RIN2: variants seen among roughly 807,000 people sequenced by gnomAD.
The protein encoded by RIN2 is RAB5 interacting protein 2.
A neutral mutation model predicts 78.0 loss-of-function variants in RIN2; 36 were observed. That is an observed-to-expected ratio of 0.46 (90% CI 0.35 to 0.61). RIN2 has a LOEUF of 0.61. Among genes scored for constraint, RIN2 ranks in the 20% least tolerant of loss-of-function variants. The pLI, the probability that RIN2 is intolerant of heterozygous loss-of-function variation, is 0.00. For synonymous variants in RIN2, 466 were observed against 466.8 expected (o/e 1.00, Z 0.02); for missense variants, 1,087 against 1,159.7 (o/e 0.94, Z 0.91).
intron 1 of RIN2, among the ~76,000 whole-genome samples, chr20:19,780,390 C>T (rs541060636): frequency 6.6e-6 from 1 of 152,340 alleles, no homozygotes; most frequent in South Asian, 2.1e-4. Flanking sequence ...GTCCCATTCT[C>T]TGCTCAGATG....
chr20:19,929,781 G>A (rs935498834), intron 3 of RIN2, among the ~76,000 whole-genome samples: 1 of 152,200 alleles, frequency 6.6e-6, no homozygotes, highest in African/African-American at 2.4e-5. Context: ...GCAAGTGTAA[G>A]GGATGAGATT....
intron 1 of RIN2, among the ~76,000 whole-genome samples, chr20:19,786,833 TA>T (rs2034693280): frequency 6.6e-6 from 1 of 152,226 alleles, no homozygotes; most frequent in African/African-American, 2.4e-5. Context: ...TATTCCTCTC[TA>T]GATTTAGCTT....
chr20:19,826,189 G>GCA (rs2036084624), intron 2 of RIN2, among the ~76,000 whole-genome samples: 1 of 152,064 alleles, frequency 6.6e-6, no homozygotes, highest in African/African-American at 2.4e-5. Context: ...AAGGAGGTGA[G>GCA]TGACTATTTG....
intron 2 of RIN2, among the ~76,000 whole-genome samples, chr20:19,841,211 G>C (rs1331696243): frequency 6.6e-6 from 1 of 151,896 alleles, no homozygotes; most frequent in African/African-American, 2.4e-5. Flanking sequence ...GCCTCCCAAG[G>C]ACAGTAAAAT....
chr20:19,937,645 C>G (rs1231873912), intron 4 of RIN2, among the ~76,000 whole-genome samples: 1 of 152,088 alleles, frequency 6.6e-6, no homozygotes, highest in African/African-American at 2.4e-5. Flanking sequence ...TGGACTCCTT[C>G]TCTGAATAAT....
chr20:19,945,366 A>G (rs562174046), intron 4 of RIN2, among the ~76,000 whole-genome samples: 1 of 152,256 alleles, frequency 6.6e-6, no homozygotes, highest in African/African-American at 2.4e-5. Context: ...ATTCCGGATA[A>G]ATTGATGACT....
At chr20:19,919,609 C>T (rs556873651) in intron 3 of RIN2, among the ~76,000 whole-genome samples, 1 of 152,052 alleles carries the variant, frequency 6.6e-6, no homozygotes, top group South Asian at 2.1e-4. Flanking sequence ...AGTTCAAGAC[C>T]AGCCTGGCCA....
intron 11 of RIN2, among the ~76,000 whole-genome samples, 172 bp from the exon 12 acceptor site, chr20:19,996,507 A>G (rs2042971720): frequency 6.6e-6 from 1 of 152,086 alleles, no homozygotes; most frequent in African/African-American, 2.4e-5. Flanking sequence ...GAAGGGATGG[A>G]TGGAGGAGTG....
At chr20:19,839,290 C>G (rs531217001) in intron 2 of RIN2, among the ~76,000 whole-genome samples, 2 of 152,332 alleles carry the variant, frequency 1.3e-5, no homozygotes, top group African/African-American at 4.8e-5. Flanking sequence ...GATGGGACCT[C>G]CCTCCTCATG....
In RIN2 at chr20:20,001,530, AAAAT is replaced by A. The variant is rs1357607344; in HGVS notation, c.*599_*602del. On this transcript the variant is annotated 3_prime_UTR_variant, in exon 13 of 13. Transcript: ENST00000255006. ...ATGTGATTTTAACATTTAATATTCA[AAAAT>A]AAATCTCTTGCTGGATTTGAGAGTA... is the stretch of plus-strand genomic sequence containing the variant. 1.3e-5 allele frequency: 2 copies of A among 152,570 alleles called. No individual in the cohort carries two copies. The highest frequency in any genetic ancestry group is 2.4e-5 in the African/African-American group (1 of 41,446). 9.5% of individuals were successfully genotyped at this position (152,570 alleles called of 1,614,324 possible). A position where few individuals can be genotyped will look rare whatever the true frequency, so the allele number is the denominator to read the frequency against.
intron 3 of RIN2, among the ~76,000 whole-genome samples, chr20:19,923,092 G>T (rs2039994864): frequency 6.6e-6 from 1 of 152,138 alleles, no homozygotes; most frequent in Non-Finnish European, 1.5e-5. Context: ...TTCCAAGTAG[G>T]CATTTCAGTC....
intron 2 of RIN2, among the ~76,000 whole-genome samples, chr20:19,824,648 C>G (rs961999611): frequency 2.0e-5 from 3 of 152,150 alleles, no homozygotes; most frequent in African/African-American, 7.2e-5. Flanking sequence ...GTGACATGGA[C>G]TGTGTAACCA....
At chr20:19,801,533 G>T (rs2035242481) in intron 2 of RIN2, among the ~76,000 whole-genome samples, 1 of 152,230 alleles carries the variant, frequency 6.6e-6, no homozygotes, top group Non-Finnish European at 1.5e-5. Flanking sequence ...ATGTTAGCCA[G>T]CATGGTCTCA....
chr20:20,000,553 A>G, intron 12 of RIN2, 60 bp from the exon 13 acceptor site: 1 of 1,366,308 alleles, frequency 7.3e-7, no homozygotes, highest in Non-Finnish European at 1.0e-6. Context: ...CTGGTCCCCC[A>G]TCATGCTCAC....
At chr20:19,788,445 AAAAAC>A (rs1423002939) in intron 1 of RIN2, among the ~76,000 whole-genome samples, 1 of 150,416 alleles carries the variant, frequency 6.6e-6, no homozygotes, top group African/African-American at 2.5e-5. Context: ...AAAAAAAAAA[AAAAAC>A]AACTAGCTAG....
intron 2 of RIN2, among the ~76,000 whole-genome samples, chr20:19,850,370 A>G (rs1004830802): frequency 1.3e-5 from 2 of 152,142 alleles, no homozygotes; most frequent in Non-Finnish European, 2.9e-5. Flanking sequence ...TTTCCCTGAC[A>G]GTAATCATCT....
intron 2 of RIN2, among the ~76,000 whole-genome samples, chr20:19,831,878 A>G (rs1173320880): frequency 2.0e-5 from 3 of 152,218 alleles, no homozygotes; most frequent in African/African-American, 7.2e-5. Flanking sequence ...TCTCCTTCTT[A>G]TAGGAGATAG....
chr20:19,993,709 T>C (rs1286793127), intron 11 of RIN2, among the ~76,000 whole-genome samples: 1 of 152,156 alleles, frequency 6.6e-6, no homozygotes, highest in East Asian at 1.9e-4. Context: ...TTGCCTGCTC[T>C]GCCCTGGGAT....
intron 2 of RIN2, among the ~76,000 whole-genome samples, chr20:19,870,665 G>T (rs1423509969): frequency 6.6e-6 from 1 of 152,144 alleles, no homozygotes; most frequent in East Asian, 1.9e-4. Context: ...AAGAAAGAAA[G>T]AAAAAATGGT....
Sources: gnomAD v4.1 joint callset for allele counts (sites outside exome capture counted in the v4.1 genomes callset) on GRCh38, gnomAD v4.1.1 for gene constraint, MANE v1.5 for transcripts, NCBI Gene and HGNC (gene_info 2026-07-23, HGNC 2026-07-21) for gene names.